The following GFRA1 variants were observed in gnomAD, a reference collection of about 807,000 sequenced individuals.
GFRA1 encodes the protein GDNF family receptor alpha-1.
GFRA1 carries 16 observed loss-of-function variants against 51.6 expected under a neutral mutation model. The observed-to-expected ratio is 0.31, with a 90% CI of 0.21 to 0.47. The LOEUF (loss-of-function observed/expected upper bound fraction) is 0.47, where lower values mean the gene tolerates loss of function less well. GFRA1 is among the 20% of genes least tolerant of loss of function. The probability of loss-of-function intolerance (pLI) is 1.00; values close to 1 mark genes in which losing one functional copy is unlikely to be tolerated. For synonymous variants in GFRA1, 270 were observed against 241.3 expected (o/e 1.12, Z -1.10); for missense variants, 530 against 594.3 (o/e 0.89, Z 1.13).
intron 5 of GFRA1, among the ~76,000 whole-genome samples, chr10:116,145,110 C>T (rs1482403973): frequency 2.2e-4 from 29 of 130,824 alleles, no homozygotes; most frequent in African/African-American, 8.5e-4. Context: ...GATCATGCCA[C>T]TGCACTCCAG....
intron 9 of GFRA1, among the ~76,000 whole-genome samples, chr10:116,082,485 T>G (rs1381769146): frequency 6.6e-6 from 1 of 151,998 alleles, no homozygotes; most frequent in Non-Finnish European, 1.5e-5. Flanking sequence ...TTTTGTTTTT[T>G]TTTTGAGACG....
chr10:116,252,659 C>A (rs1319600614), intron 4 of GFRA1, among the ~76,000 whole-genome samples: 1 of 152,182 alleles, frequency 6.6e-6, no homozygotes, highest in Non-Finnish European at 1.5e-5. Flanking sequence ...GAAGGACCAG[C>A]ACACGGACTA....
intron 4 of GFRA1, among the ~76,000 whole-genome samples, chr10:116,219,303 G>A (rs1190843430): frequency 4.6e-5 from 7 of 152,196 alleles, no homozygotes; most frequent in African/African-American, 1.7e-4. Flanking sequence ...TTATGTCCGA[G>A]TCTGCTAGTA....
At chr10:116,243,242 A>G (rs1162222912) in intron 4 of GFRA1, among the ~76,000 whole-genome samples, 1 of 152,206 alleles carries the variant, frequency 6.6e-6, no homozygotes, top group Non-Finnish European at 1.5e-5. Context: ...TTAATTAAAG[A>G]TATTTGATAA....
At chr10:116,178,474 G>C (rs1239804515) in intron 5 of GFRA1, among the ~76,000 whole-genome samples, 2 of 152,222 alleles carry the variant, frequency 1.3e-5, no homozygotes, top group East Asian at 3.9e-4. Flanking sequence ...GTAGGTACTC[G>C]GCGAGTGTAC....
At chr10:116,064,786 T>C (rs1955019052) in intron 10 of GFRA1, among the ~76,000 whole-genome samples, 1 of 152,178 alleles carries the variant, frequency 6.6e-6, no homozygotes, top group African/African-American at 2.4e-5. Flanking sequence ...TGCTCTTCCA[T>C]TAGGAATTAT....
At chr10:116,210,665 C>G in intron 5 of GFRA1, among the ~76,000 whole-genome samples, 1 of 152,186 alleles carries the variant, frequency 6.6e-6, no homozygotes, top group East Asian at 1.9e-4. Context: ...CAGATATTCT[C>G]CATAACACAC....
In GFRA1 at chr10:116,089,890, C is replaced by T. The variant is rs757403878; in HGVS notation, c.1048G>A (p.Asp350Asn). The stretch of plus-strand genomic sequence containing the variant: ...AAGGCTGGCTGCCACACGGTCACAT[C>T]GGAGCCATTGCCAAAGGCTTGAATT... ...NAIQAFGNGS[D>N]VTVWQPAFPV... Residue 350 changes from aspartate (D) to asparagine (N), a missense_variant, in exon 9 of 11, where the codon GAT becomes AAT. Coordinates refer to ENST00000355422, the MANE Select transcript of GFRA1 (RefSeq NM_005264.8). 1.4e-5 allele frequency: 22 copies of T among 1,613,784 alleles called. No individual in the cohort carries two copies. Among genetic ancestry groups the T allele is most frequent in the Admixed American group, 1.7e-5 (1 of 59,972 alleles).
chr10:116,197,327 C>T (rs1963966039), intron 5 of GFRA1, among the ~76,000 whole-genome samples: 1 of 152,124 alleles, frequency 6.6e-6, no homozygotes, highest in Non-Finnish European at 1.5e-5. Context: ...CACCTCTGAA[C>T]CAGGTATTAA....
chr10:116,250,097 G>A (rs1271853965), intron 4 of GFRA1, among the ~76,000 whole-genome samples: 1 of 152,210 alleles, frequency 6.6e-6, no homozygotes, highest in Non-Finnish European at 1.5e-5. Flanking sequence ...AGAGATGTGT[G>A]TGCTAGGGAG....
At chr10:116,232,174 AC>A (rs2134571542) in intron 4 of GFRA1, among the ~76,000 whole-genome samples, 1 of 152,290 alleles carries the variant, frequency 6.6e-6, no homozygotes, top group South Asian at 2.1e-4. Context: ...GGACTCTGCA[AC>A]CTACTAAAAC....
chr10:116,199,928 A>G (rs547791470), intron 5 of GFRA1, among the ~76,000 whole-genome samples: 37 of 152,294 alleles, frequency 2.4e-4, no homozygotes, highest in Middle Eastern at 3.4e-3. Flanking sequence ...CTTTTCCATC[A>G]TATTTTAGTT....
chr10:116,216,304 T>G (rs1965557784), intron 4 of GFRA1, among the ~76,000 whole-genome samples: 1 of 152,178 alleles, frequency 6.6e-6, no homozygotes, highest in African/African-American at 2.4e-5. Flanking sequence ...TGCGCCTGGG[T>G]TAGTAATTAG....
chr10:116,263,826 G>A (rs936808299), intron 4 of GFRA1, among the ~76,000 whole-genome samples: 4 of 152,206 alleles, frequency 2.6e-5, no homozygotes, highest in African/African-American at 7.2e-5. Flanking sequence ...AAGGAGGGGA[G>A]CATTCAAAAG....
At chr10:116,270,732 G>A in intron 3 of GFRA1, 90 bp downstream of exon 3, 2 of 1,058,818 alleles carry the variant, frequency 1.9e-6, no homozygotes, top group Admixed American at 1.8e-5. Context: ...GGAGAAGTGA[G>A]TGGAGGATGA....
intron 4 of GFRA1, among the ~76,000 whole-genome samples, chr10:116,228,535 G>A (rs890685634): frequency 2.0e-5 from 3 of 152,140 alleles, no homozygotes; most frequent in Non-Finnish European, 4.4e-5. Context: ...TGGAGATGAG[G>A]ATGTTTTCCT....
intron 9 of GFRA1, among the ~76,000 whole-genome samples, chr10:116,082,831 G>T (rs4751948): frequency 0.24 from 37,021 of 151,900 alleles, 5,447 homozygotes; most frequent in East Asian, 0.52. Context: ...GAGCTCCATC[G>T]TTCTTCCTCT....
At chr10:116,067,791 A>T (rs1955181930) in intron 9 of GFRA1, among the ~76,000 whole-genome samples, 1 of 152,178 alleles carries the variant, frequency 6.6e-6, no homozygotes, top group Admixed American at 6.5e-5. Context: ...AGAATTTATA[A>T]GCTTTCAACC....
At chr10:116,081,963 T>C (rs1424246825) in intron 9 of GFRA1, among the ~76,000 whole-genome samples, 4 of 152,184 alleles carry the variant, frequency 2.6e-5, no homozygotes, top group Admixed American at 6.5e-5. Flanking sequence ...TAGCTCATAA[T>C]TGAATTTAAA....
Sources: gnomAD v4.1 joint callset for allele counts (sites outside exome capture counted in the v4.1 genomes callset) on GRCh38, gnomAD v4.1.1 for gene constraint, MANE v1.5 for transcripts, NCBI Gene and HGNC (gene_info 2026-07-23, HGNC 2026-07-21) for gene names.